The following NF2 variants were observed in gnomAD, a reference collection of about 807,000 sequenced individuals.
The protein encoded by NF2 is NF2, moesin-ezrin-radixin like (MERLIN) tumor suppressor.
NF2 carries 8 observed loss-of-function variants against 83.7 expected under a neutral mutation model. That is an observed-to-expected ratio of 0.10 (90% CI 0.06 to 0.17). NF2 has a LOEUF of 0.17. Ranked by LOEUF, NF2 falls within the 10% of genes least tolerant of loss-of-function variation. NF2 has a pLI of 1.00. For missense variants in NF2, 533 were observed against 744.4 expected (o/e 0.72, Z 3.31); for synonymous variants, 266 against 269.6 (o/e 0.99, Z 0.13).
intron 4 of NF2, among the ~76,000 whole-genome samples, chr22:29,643,436 G>A (rs555343006): frequency 5.3e-5 from 8 of 152,180 alleles, no homozygotes; most frequent in East Asian, 1.9e-4. Flanking sequence ...AGGACCCTGC[G>A]GACTTCCGCA....
At chr22:29,642,960 C>CT (rs566160360) in intron 4 of NF2, among the ~76,000 whole-genome samples, 20,710 of 144,716 alleles carry the variant, frequency 0.14, 1,496 homozygotes, top group African/African-American at 0.18. Flanking sequence ...CACTATAGAC[C>CT]TTTTTTTTTT....
chr22:29,694,941 A>T lies in NF2; in HGVS notation c.*139A>T, dbSNP rs1413734317. On this transcript the variant is annotated 3_prime_UTR_variant, in exon 16 of 16. Transcript: ENST00000338641. The surrounding 1 kb of genome is among the most constrained non-coding windows in gnomAD (Gnocchi z 4.1). ...CTCCAGAACTTTCCCCAGCTGAGTG[A>T]AGAGCCCAGCCCCTCTTATGTGCAA... is the stretch of plus-strand genomic sequence containing the variant. 1.5e-5 allele frequency: 13 copies of T among 844,206 alleles called. No individual in the cohort carries two copies. Among genetic ancestry groups the T allele is most frequent in the Non-Finnish European group, 2.5e-5 (13 of 509,992 alleles). 52.3% of individuals were successfully genotyped at this position (844,206 alleles called of 1,614,324 possible).
Position 29,668,422 on chromosome 22 carries a change from C to T in NF2, c.975C>T (p.Ala325=). 1 of 1,613,806 alleles carries T rather than the reference C, an allele frequency of 6.2e-7. No homozygotes were observed. The highest frequency in any genetic ancestry group is 2.2e-5 in the East Asian group (1 of 44,876). ...SLEVQQMKAQ[A]REEKARKQME... ...AAGTTCAGCAGATGAAAGCCCAGGC[C>T]AGGGAGGAGAAGGCTAGAAAGCAGG... The change falls in exon 10 of 16, where the codon GCC becomes GCT. Residue 325 remains alanine (A), a synonymous_variant. Coordinates refer to ENST00000338641, the MANE Select transcript of NF2 (RefSeq NM_000268.4).
rs1015052614 is a variant in NF2 at position 29,697,502 on chromosome 22, G to C, written c.*2700G>C. 5.4e-6 allele frequency: 1 copy of C among 183,922 alleles called. No individual in the cohort carries two copies. The highest frequency in any genetic ancestry group is 2.4e-5 in the African/African-American group (1 of 42,498). The allele number at this position is 183,922 out of a possible 1,614,324, so 11.4% of individuals were successfully genotyped here. A position where few individuals can be genotyped will look rare whatever the true frequency, so the allele number is the denominator to read the frequency against. On this transcript the variant is annotated 3_prime_UTR_variant, in exon 16 of 16. Transcript: ENST00000338641. ...GGAGCATCTCAAGCCCCAGTAGCAG[G>C]AGAAAGAAAGAAAGAGATGCCTGGT...
At chr22:29,683,254 C>T in intron 15 of NF2, 1 of 1,511,362 alleles carries the variant, frequency 6.6e-7, no homozygotes, top group Non-Finnish European at 8.8e-7. Flanking sequence ...CCAGACCAGC[C>T]TCCAGGGCCC....
intron 14 of NF2, among the ~76,000 whole-genome samples, chr22:29,679,618 G>A (rs773583119): frequency 2.6e-4 from 39 of 152,168 alleles, no homozygotes; most frequent in Non-Finnish European, 4.4e-4. Context: ...TGTAATTCCA[G>A]CACTTTGGGA....
At position 29,694,253 on chromosome 22, in the gene NF2, ACT is replaced by A. The variant is rs1299930667; in HGVS notation, c.1738-496_1738-495del. ...GGGAAACCAGGAGTAGAAGGGGTAA[ACT>A]CTTCCTCATCTGCCACAGGCCTGCC... is the stretch of plus-strand genomic sequence containing the variant. On this transcript the variant is annotated intron_variant, in intron 15 of 15. Transcript: ENST00000338641. The surrounding 1 kb of genome is among the most constrained non-coding windows in gnomAD (Gnocchi z 4.1). Among the ~76,000 whole-genome samples, 1 of 151,982 alleles carries A rather than the reference ACT, an allele frequency of 6.6e-6. No individual in the cohort carries two copies. Among genetic ancestry groups the A allele is most frequent in the Non-Finnish European group, 1.5e-5 (1 of 67,966 alleles).
chr22:29,655,551 T>G, intron 5 of NF2, 43 bp from the exon 6 acceptor site: 1 of 1,432,944 alleles, frequency 7.0e-7, no homozygotes, highest in East Asian at 2.3e-5. Flanking sequence ...ATACCAAATT[T>G]ACTTCATGTG....
Position 29,668,370 on chromosome 22 carries a change from T to C in NF2, c.923T>C (p.Met308Thr), listed in dbSNP as rs1462083103. 1 of 1,613,920 alleles carries C rather than the reference T, an allele frequency of 6.2e-7. No homozygotes were observed. Among genetic ancestry groups the C allele is most frequent in the East Asian group, 2.2e-5 (1 of 44,876 alleles). ...TGTATCGGGAACCATGATCTATTTA[T>C]GAGGAGAAGGAAAGCCGATTCTTTG... ...QLCIGNHDLF[M>T]RRRKADSLEV... Residue 308 changes from methionine to threonine, a missense_variant, in exon 10 of 16, where the codon ATG becomes ACG. Transcript: ENST00000338641.
At chr22:29,687,155 A>C (rs562737369) in intron 15 of NF2, among the ~76,000 whole-genome samples, 1 of 152,226 alleles carries the variant, frequency 6.6e-6, no homozygotes, top group Non-Finnish European at 1.5e-5. Context: ...AAACAAAGTC[A>C]TCACTTTTGT....
intron 1 of NF2, among the ~76,000 whole-genome samples, chr22:29,611,326 C>G (rs2064946615): frequency 6.6e-6 from 1 of 152,132 alleles, no homozygotes; most frequent in Non-Finnish European, 1.5e-5. Context: ...AGTTCAAGAA[C>G]AGCCTGGCCA....
At chr22:29,610,557 C>T (rs556579914) in intron 1 of NF2, among the ~76,000 whole-genome samples, 4 of 151,604 alleles carry the variant, frequency 2.6e-5, no homozygotes, top group East Asian at 1.9e-4. Context: ...GCAGGAGAAT[C>T]GCTTGAACCC....
At chr22:29,626,764 T>C (rs2065378579) in intron 1 of NF2, among the ~76,000 whole-genome samples, 1 of 152,246 alleles carries the variant, frequency 6.6e-6, no homozygotes, top group Non-Finnish European at 1.5e-5. Context: ...GGGTTGTGTT[T>C]CGTAATCTGC....
chr22:29,674,796 C>A lies in NF2; in HGVS notation c.1341-40C>A, dbSNP rs756023854. The A allele has an allele frequency of 5.2e-6, 8 of 1,531,296 alleles. No homozygotes were observed. The South Asian group carries it at 9.6e-5, about 18-fold the overall frequency. 94.9% of individuals were successfully genotyped at this position (1,531,296 alleles called of 1,614,324 possible). On this transcript the variant is annotated intron_variant, in intron 12 of 15. Coordinates refer to ENST00000338641, the MANE Select transcript of NF2 (RefSeq NM_000268.4). ...GGGTGGTGTCTTTTCCTGCTACCTG[C>A]CCTCTTCTGTGAAGCTGACATCTCA...
intron 1 of NF2, among the ~76,000 whole-genome samples, chr22:29,607,134 G>A (rs913363768): frequency 3.3e-5 from 5 of 152,194 alleles, no homozygotes; most frequent in Non-Finnish European, 5.9e-5. Flanking sequence ...TTAATGTATC[G>A]AAATACTACA....
chr22:29,629,483 T>C (rs577571610), intron 1 of NF2, among the ~76,000 whole-genome samples: 1 of 152,354 alleles, frequency 6.6e-6, no homozygotes, highest in Non-Finnish European at 1.5e-5. Context: ...AAGTCTCCTA[T>C]AAACCTGTTC....
chr22:29,603,832 C>T lies in NF2; in HGVS notation c.-167C>T, dbSNP rs986780927. ...CTCCCCTTTCCGCTCAGGCAGGGTC[C>T]TCGCGGCCCATGCTGGCCGCTGGGG... is the stretch of plus-strand genomic sequence containing the variant. On this transcript the variant is annotated 5_prime_UTR_variant, in exon 1 of 16. Coordinates refer to ENST00000338641, the MANE Select transcript of NF2 (RefSeq NM_000268.4). 5 of 594,532 alleles carry T rather than the reference C, an allele frequency of 8.4e-6. No individual in the cohort carries two copies. In the African/African-American group the frequency reaches 9.5e-5, roughly 11 times the overall value. 36.8% of individuals were successfully genotyped at this position (594,532 alleles called of 1,614,324 possible).
chr22:29,672,456 G>C (rs896448326), intron 11 of NF2, among the ~76,000 whole-genome samples: 1 of 152,018 alleles, frequency 6.6e-6, no homozygotes, highest in Admixed American at 6.6e-5. Flanking sequence ...TGGGATTACA[G>C]GCATGCATCA....
At chr22:29,608,482 A>G (rs2146687514) in intron 1 of NF2, among the ~76,000 whole-genome samples, 1 of 151,856 alleles carries the variant, frequency 6.6e-6, no homozygotes. Context: ...CAGCCTGGCC[A>G]ACATGGTGAA....
Sources: allele counts gnomAD v4.1 joint callset (sites outside exome capture counted in the v4.1 genomes callset), GRCh38; gene constraint gnomAD v4.1.1; non-coding constraint Gnocchi (gnomAD v3.1); transcripts MANE v1.5; gene names NCBI Gene and HGNC (gene_info 2026-07-23, HGNC 2026-07-21).